PCDH15: variants seen among roughly 807,000 people sequenced by gnomAD.
PCDH15 encodes protocadherin related 15.
A neutral mutation model predicts 178.5 loss-of-function variants in PCDH15; 129 were observed. The ratio of observed to expected loss-of-function variants is 0.72; its 90% confidence interval spans 0.63 to 0.84. The LOEUF is 0.84. PCDH15 is among the 40% of genes least tolerant of loss of function. The probability of loss-of-function intolerance (pLI) is 0.00; values close to 1 mark genes in which losing one functional copy is unlikely to be tolerated. For missense variants in PCDH15, 2,230 were observed against 2,099.9 expected, an observed-to-expected ratio of 1.06 and a Z score of -1.21; for synonymous variants, 800 against 732.0, an observed-to-expected ratio of 1.09 and a Z score of -1.50.
At chr10:55,442,470 T>TATATATTATATATATATAATATA (rs5785132) in intron 2 of PCDH15, among the ~76,000 whole-genome samples, 29 of 124,672 alleles carry the variant, frequency 2.3e-4, no homozygotes, top group East Asian at 1.1e-3. Context: ...TATATATATA[T>TATATATTATATATATATAATATA]TATATATATA....
At chr10:55,082,413 A>G (rs1279746616) in intron 2 of PCDH15, among the ~76,000 whole-genome samples, 1 of 151,956 alleles carries the variant, frequency 6.6e-6, no homozygotes, top group African/African-American at 2.4e-5. Flanking sequence ...AACAAACACA[A>G]TACTAAGAGG....
intron 3 of PCDH15, among the ~76,000 whole-genome samples, chr10:54,404,883 G>A (rs541212811): frequency 1.2e-4 from 18 of 152,058 alleles, no homozygotes; most frequent in African/African-American, 2.4e-4. Flanking sequence ...AGCAACAAGC[G>A]TATGGAAAAA....
At chr10:55,109,850 T>C (rs904319993) in intron 2 of PCDH15, among the ~76,000 whole-genome samples, 1 of 151,988 alleles carries the variant, frequency 6.6e-6, no homozygotes, top group Non-Finnish European at 1.5e-5. Flanking sequence ...TTATTATGAC[T>C]TTTTCCAAAT....
At chr10:54,413,354 T>G (rs1315219179) in intron 3 of PCDH15, among the ~76,000 whole-genome samples, 1 of 152,178 alleles carries the variant, frequency 6.6e-6, no homozygotes, top group Non-Finnish European at 1.5e-5. Context: ...AAAGGTCATC[T>G]GAGTTGCTGT....
intron 2 of PCDH15, among the ~76,000 whole-genome samples, chr10:54,581,476 GAA>G (rs1201983039): frequency 1.3e-5 from 2 of 152,036 alleles, no homozygotes; most frequent in Non-Finnish European, 2.9e-5. Context: ...TGGAAGGTAA[GAA>G]TGAGTATTAC....
intron 2 of PCDH15, among the ~76,000 whole-genome samples, chr10:55,585,590 C>A (rs566123723): frequency 2.6e-5 from 4 of 152,002 alleles, no homozygotes; most frequent in African/African-American, 4.8e-5. Flanking sequence ...GCAGGAGAAT[C>A]GCTTGATCCC....
intron 2 of PCDH15, among the ~76,000 whole-genome samples, chr10:54,934,718 C>G (rs1391461246): frequency 6.6e-6 from 1 of 151,338 alleles, no homozygotes; most frequent in African/African-American, 2.4e-5. Flanking sequence ...ACCCAGCCAT[C>G]CCATTACTGG....
chr10:54,649,080 T>C (rs887491955), intron 2 of PCDH15, among the ~76,000 whole-genome samples: 6 of 152,054 alleles, frequency 3.9e-5, no homozygotes, highest in African/African-American at 1.4e-4. Context: ...CTTACAAGAG[T>C]AGGGAACATT....
At chr10:54,678,744 A>G (rs76861194) in intron 1 of PCDH15, among the ~76,000 whole-genome samples, 1 of 152,178 alleles carries the variant, frequency 6.6e-6, no homozygotes, top group Non-Finnish European at 1.5e-5. Context: ...ACATAATATT[A>G]TATCTGTAAT....
At chr10:55,532,093 T>C (rs1335939469) in intron 2 of PCDH15, among the ~76,000 whole-genome samples, 1 of 152,032 alleles carries the variant, frequency 6.6e-6, no homozygotes, top group Non-Finnish European at 1.5e-5. Context: ...CATAGCTATT[T>C]ATAATTTTCT....
At chr10:54,183,221 T>C (rs539909484) in intron 13 of PCDH15, among the ~76,000 whole-genome samples, 1 of 152,338 alleles carries the variant, frequency 6.6e-6, no homozygotes, top group Non-Finnish European at 1.5e-5. Context: ...TCCACTTGCC[T>C]TGGCTTCCCA....
chr10:55,457,223 C>T (rs1056468492), intron 2 of PCDH15, among the ~76,000 whole-genome samples: 4 of 152,036 alleles, frequency 2.6e-5, no homozygotes, highest in Non-Finnish European at 4.4e-5. Context: ...GGCAATTCAA[C>T]ATTTTTAAAT....
intron 26 of PCDH15, among the ~76,000 whole-genome samples, chr10:53,870,140 C>A (rs982587008): frequency 6.6e-6 from 1 of 152,166 alleles, no homozygotes; most frequent in African/African-American, 2.4e-5. Context: ...CAGGTAATTT[C>A]ACTTTGCAAT....
chr10:55,586,713 T>C (rs1169869589), intron 2 of PCDH15, among the ~76,000 whole-genome samples: 1 of 152,172 alleles, frequency 6.6e-6, no homozygotes, highest in Non-Finnish European at 1.5e-5. Flanking sequence ...TTAAGTTGAT[T>C]AAAAATATGG....
intron 2 of PCDH15, among the ~76,000 whole-genome samples, chr10:55,105,335 A>C (rs1478399536): frequency 6.6e-6 from 1 of 152,264 alleles, no homozygotes; most frequent in Middle Eastern, 3.4e-3. Context: ...AAATACATTT[A>C]TTGGAAAAAA....
chr10:54,465,760 T>G (rs978911001), intron 3 of PCDH15, among the ~76,000 whole-genome samples: 4 of 152,010 alleles, frequency 2.6e-5, no homozygotes, highest in African/African-American at 7.2e-5. Flanking sequence ...AGATATCTGT[T>G]AATGGCATTG....
chr10:54,674,661 T>C (rs1448620700), intron 1 of PCDH15, among the ~76,000 whole-genome samples: 1 of 152,134 alleles, frequency 6.6e-6, no homozygotes, highest in Non-Finnish European at 1.5e-5. Flanking sequence ...TGTGTAGTCA[T>C]GTAAGCCCTT....
intron 9 of PCDH15, among the ~76,000 whole-genome samples, chr10:54,229,994 G>A (rs906800639): frequency 1.3e-5 from 2 of 152,076 alleles, no homozygotes; most frequent in African/African-American, 4.8e-5. Context: ...ATCTGGGCAG[G>A]AATTGTCCTT....
intron 2 of PCDH15, among the ~76,000 whole-genome samples, chr10:54,929,584 G>T (rs114256278): frequency 6.6e-6 from 1 of 152,112 alleles, no homozygotes; most frequent in Non-Finnish European, 1.5e-5. Context: ...TTGTGACAAC[G>T]GAAAATTGTG....
Sources: allele counts gnomAD v4.1 joint callset (sites outside exome capture counted in the v4.1 genomes callset), GRCh38; gene constraint gnomAD v4.1.1; transcripts MANE v1.5; gene names NCBI Gene and HGNC (gene_info 2026-07-23, HGNC 2026-07-21).